STIMATE: variants seen among roughly 807,000 people sequenced by gnomAD.
STIMATE encodes the protein STIM activating enhancer.
STIMATE carries 15 observed loss-of-function variants against 36.7 expected under a neutral mutation model. That is an observed-to-expected ratio of 0.41 (90% CI 0.27 to 0.63). STIMATE has a LOEUF of 0.63. STIMATE is among the 20% of genes least tolerant of loss of function. The pLI is 0.32. For synonymous variants in STIMATE, 163 were observed against 162.3 expected (o/e 1.00, Z -0.03); for missense variants, 305 against 397.3 (o/e 0.77, Z 1.98).
intron 1 of STIMATE, among the ~76,000 whole-genome samples, chr3:52,868,986 T>C (rs1470533982): frequency 6.6e-6 from 1 of 152,136 alleles, no homozygotes; most frequent in Non-Finnish European, 1.5e-5. Flanking sequence ...TCATCTCTAT[T>C]TTACAGATAA....
intron 3 of STIMATE, among the ~76,000 whole-genome samples, chr3:52,852,020 C>T (rs1258983386): frequency 6.6e-6 from 1 of 152,190 alleles, no homozygotes; most frequent in Non-Finnish European, 1.5e-5. Flanking sequence ...AAGATGGGGC[C>T]AGGATGAGGT....
chr3:52,896,274 C>G (rs1701863418), intron 1 of STIMATE, among the ~76,000 whole-genome samples: 1 of 152,234 alleles, frequency 6.6e-6, no homozygotes, highest in African/African-American at 2.4e-5. Context: ...ACTCTCCACT[C>G]TGTCCACACA....
At chr3:52,897,264 CG>C (rs1701881172) in intron 1 of STIMATE, 26 bp downstream of exon 1, 1 of 1,533,582 alleles carries the variant, frequency 6.5e-7, no homozygotes, top group South Asian at 1.2e-5. Context: ...GCAGGGCCTC[CG>C]GAGGGTCGGG....
chr3:52,848,157 G>A (rs2106660586), intron 4 of STIMATE: 1 of 152,678 alleles, frequency 6.5e-6, no homozygotes, highest in East Asian at 1.9e-4. Context: ...AGAAATTGAT[G>A]GAAATAGAAA....
intron 4 of STIMATE, among the ~76,000 whole-genome samples, chr3:52,846,203 C>T (rs574886728): frequency 9.8e-5 from 15 of 152,322 alleles, no homozygotes; most frequent in Non-Finnish European, 1.6e-4. Flanking sequence ...ACACATCAGT[C>T]GCCTCTTCTG....
intron 1 of STIMATE, among the ~76,000 whole-genome samples, chr3:52,859,082 A>G (rs1425120906): frequency 1.3e-5 from 2 of 151,758 alleles, no homozygotes; most frequent in Non-Finnish European, 2.9e-5. Context: ...GAATCACTTG[A>G]ACCTGGGAGG....
intron 1 of STIMATE, among the ~76,000 whole-genome samples, chr3:52,857,257 G>A (rs1192989338): frequency 6.6e-6 from 1 of 152,230 alleles, no homozygotes; most frequent in African/African-American, 2.4e-5. Flanking sequence ...AGGTGAAGTT[G>A]TGAGGAGGTC....
chr3:52,857,888 A>C (rs1382308524), intron 1 of STIMATE, among the ~76,000 whole-genome samples: 1 of 152,156 alleles, frequency 6.6e-6, no homozygotes, highest in Non-Finnish European at 1.5e-5. Context: ...TTTGGAGACC[A>C]GGCCTTTGAA....
intron 1 of STIMATE, among the ~76,000 whole-genome samples, chr3:52,891,497 G>A (rs1349239233): frequency 6.6e-6 from 1 of 152,172 alleles, no homozygotes; most frequent in South Asian, 2.1e-4. Flanking sequence ...CTGGAAGTGG[G>A]GCAGCCCCAG....
At chr3:52,874,808 C>G (rs923397465) in intron 1 of STIMATE, among the ~76,000 whole-genome samples, 1 of 152,132 alleles carries the variant, frequency 6.6e-6, no homozygotes, top group Non-Finnish European at 1.5e-5. Context: ...TGCCACTGCA[C>G]TCCAGCCTGG....
chr3:52,868,098 G>A (rs933404456), intron 1 of STIMATE, among the ~76,000 whole-genome samples: 3 of 152,190 alleles, frequency 2.0e-5, no homozygotes, highest in Admixed American at 1.3e-4. Flanking sequence ...TTCCCTAAGT[G>A]ATAAACGAAC....
chr3:52,861,590 C>G (rs1462403321), intron 1 of STIMATE, among the ~76,000 whole-genome samples: 1 of 152,170 alleles, frequency 6.6e-6, no homozygotes, highest in Non-Finnish European at 1.5e-5. Flanking sequence ...CACGTTGTCT[C>G]CAGGATTAAA....
chr3:52,869,499 C>G (rs1575339908), intron 1 of STIMATE, among the ~76,000 whole-genome samples: 1 of 152,222 alleles, frequency 6.6e-6, no homozygotes, highest in South Asian at 2.1e-4. Flanking sequence ...TCCCACTGCT[C>G]TAAGACATCT....
intron 5 of STIMATE, 58 bp from the exon 6 acceptor site, chr3:52,843,856 G>T: frequency 1.2e-6 from 2 of 1,600,668 alleles, no homozygotes; most frequent in Non-Finnish European, 1.7e-6. Context: ...TGTGCCTGGG[G>T]TGGGTGGGTG....
At chr3:52,879,208 T>C (rs1701561625) in intron 1 of STIMATE, among the ~76,000 whole-genome samples, 1 of 152,140 alleles carries the variant, frequency 6.6e-6, no homozygotes, top group Non-Finnish European at 1.5e-5. Flanking sequence ...GTTGTGTAAC[T>C]AGGCAGATCT....
At chr3:52,878,050 C>T (rs961342943) in intron 1 of STIMATE, among the ~76,000 whole-genome samples, 2 of 149,980 alleles carry the variant, frequency 1.3e-5, no homozygotes, top group South Asian at 2.1e-4. Context: ...GCTGAGATCG[C>T]GCCACTGCAC....
At chr3:52,874,863 A>G (rs1701472085) in intron 1 of STIMATE, among the ~76,000 whole-genome samples, 1 of 152,210 alleles carries the variant, frequency 6.6e-6, no homozygotes, top group South Asian at 2.1e-4. Flanking sequence ...ATAGATAAAT[A>G]AAATAAAGGT....
intron 1 of STIMATE, among the ~76,000 whole-genome samples, chr3:52,858,426 C>T (rs926275588): frequency 6.6e-6 from 1 of 151,778 alleles, no homozygotes; most frequent in African/African-American, 2.4e-5. Context: ...AGTTTGAGAC[C>T]AGCCCGGGCA....
At chr3:52,875,668 C>CT (rs1163128155) in intron 1 of STIMATE, among the ~76,000 whole-genome samples, 2 of 152,184 alleles carry the variant, frequency 1.3e-5, no homozygotes, top group Admixed American at 1.3e-4. Flanking sequence ...GTCCACCTGT[C>CT]AAGAGTTAAG....
Sources: gnomAD v4.1 joint callset for allele counts (sites outside exome capture counted in the v4.1 genomes callset) on GRCh38, gnomAD v4.1.1 for gene constraint, MANE v1.5 for transcripts, NCBI Gene and HGNC (gene_info 2026-07-23, HGNC 2026-07-21) for gene names.